ZNF618: variants seen among roughly 807,000 people sequenced by gnomAD.
The protein encoded by ZNF618 is zinc finger protein 618.
ZNF618 carries 34 observed loss-of-function variants against 103.0 expected under a neutral mutation model. That is an observed-to-expected ratio of 0.33 (90% CI 0.25 to 0.44). The LOEUF (loss-of-function observed/expected upper bound fraction) is 0.44. Ranked by LOEUF, ZNF618 falls within the 20% of genes least tolerant of loss-of-function variation. The probability of loss-of-function intolerance (pLI) is 1.00; values close to 1 mark genes in which losing one functional copy is unlikely to be tolerated. For missense variants in ZNF618, 1,059 were observed against 1,295.4 expected (o/e 0.82, Z 2.80); for synonymous variants, 551 against 542.2 (o/e 1.02, Z -0.23).
chr9:114,007,770 A>G (rs1233233879), intron 7 of ZNF618, among the ~76,000 whole-genome samples: 4 of 152,258 alleles, frequency 2.6e-5, no homozygotes, highest in Non-Finnish European at 5.9e-5. Context: ...CCGGTTTTAA[A>G]AAACGAATGA....
intron 2 of ZNF618, among the ~76,000 whole-genome samples, chr9:113,977,037 C>T (rs922162867): frequency 2.0e-5 from 3 of 152,136 alleles, no homozygotes; most frequent in East Asian, 1.9e-4. Flanking sequence ...GGGCAGCGTG[C>T]GTCCAGGCAG....
intron 2 of ZNF618, among the ~76,000 whole-genome samples, chr9:113,985,591 G>A (rs1384153938): frequency 6.6e-6 from 1 of 152,204 alleles, no homozygotes; most frequent in African/African-American, 2.4e-5. Context: ...GGAAAGCCAG[G>A]GAACCTACTG....
Position 114,032,690 on chromosome 9 carries a change from A to G in ZNF618, c.1130A>G (p.His377Arg). ...SRRVEGKAQN[H>R]FEETNSSSQN... The stretch of plus-strand genomic sequence containing the variant: ...AGAGTAGAAGGCAAAGCACAAAACC[A>G]CTTTGAAGAGACGAACAGCAGTTCG... Residue 377 changes from histidine to arginine, a missense_variant, in exon 12 of 15, where the codon CAC becomes CGC. Physicochemically the swap from His to Arg is conservative, Grantham distance 29. Transcript: ENST00000374126. The G allele has an allele frequency of 6.2e-7, 1 of 1,613,970 alleles. No individual in the cohort carries two copies. Among genetic ancestry groups the G allele is most frequent in the Non-Finnish European group, 8.5e-7 (1 of 1,179,880 alleles).
At chr9:114,020,079 A>G (rs2134007514) in intron 10 of ZNF618, among the ~76,000 whole-genome samples, 1 of 152,298 alleles carries the variant, frequency 6.6e-6, no homozygotes, top group Non-Finnish European at 1.5e-5. Context: ...GGTTGTTACA[A>G]CATCATGTGT....
rs143620686 is a variant in ZNF618, at chr9:113,985,965, G to A, written c.78-2356G>A. ...AAATTAAGGAAATGAATTCTGAGGC[G>A]ATTGAATCATGCAGTTTTACACTTT... On this transcript the variant is annotated intron_variant, in intron 2 of 14. Coordinates refer to ENST00000374126, the MANE Select transcript of ZNF618 (RefSeq NM_001318042.2). Among the ~76,000 whole-genome samples, 793 of 152,310 alleles carry A rather than the reference G, an allele frequency of 5.2e-3. 6 individuals carry two copies. Among genetic ancestry groups the A allele is most frequent in the African/African-American group, 0.018 (760 of 41,554 alleles).
chr9:113,915,666 G>A (rs1832000112), intron 1 of ZNF618, among the ~76,000 whole-genome samples: 1 of 152,184 alleles, frequency 6.6e-6, no homozygotes, highest in African/African-American at 2.4e-5. Context: ...ACTTGAGCAG[G>A]GAGTATTTGG....
At chr9:113,937,533 G>A (rs1278854634) in intron 1 of ZNF618, among the ~76,000 whole-genome samples, 2 of 152,044 alleles carry the variant, frequency 1.3e-5, no homozygotes, top group South Asian at 2.1e-4. Context: ...TGTCTCTTTC[G>A]TCTCTTCCAA....
intron 2 of ZNF618, among the ~76,000 whole-genome samples, chr9:113,970,726 C>T (rs988843115): frequency 1.3e-5 from 2 of 151,782 alleles, no homozygotes; most frequent in South Asian, 2.1e-4. Context: ...CCTGACCCTC[C>T]GTATCAAGGT....
intron 9 of ZNF618, 113 bp from the exon 10 acceptor site, chr9:114,016,582 T>G (rs1268446751): frequency 4.0e-6 from 3 of 745,484 alleles, no homozygotes; most frequent in Non-Finnish European, 6.9e-6. Flanking sequence ...CAGAATTGAT[T>G]CTAGTTGATG....
chr9:113,955,937 T>C (rs1004924084), intron 1 of ZNF618, among the ~76,000 whole-genome samples: 1 of 152,080 alleles, frequency 6.6e-6, no homozygotes, highest in Admixed American at 6.6e-5. Context: ...TCAGTTTCTC[T>C]GTCTGTAAAA....
intron 3 of ZNF618, among the ~76,000 whole-genome samples, chr9:113,995,644 G>A (rs567535102): frequency 6.6e-6 from 1 of 152,108 alleles, no homozygotes; most frequent in African/African-American, 2.4e-5. Flanking sequence ...TCACACAGGG[G>A]TCTATCATCA....
chr9:114,007,419 G>A lies in ZNF618; in HGVS notation c.620G>A (p.Arg207Gln), dbSNP rs1177133953. The A allele has an allele frequency of 1.2e-6, 2 of 1,613,522 alleles. No individual in the cohort carries two copies. The highest frequency in any genetic ancestry group is 1.3e-5 in the African/African-American group (1 of 74,986). The part of the protein sequence containing the change: ...YKYYSCFQEH[R>Q]DLHAVDVFSV... ...TACTACAGCTGTTTCCAAGAGCACC[G>A]AGACCTGCACGCAGTGGATGGTGAG... Residue 207 changes from arginine (R) to glutamine (Q), a missense_variant, in exon 7 of 15, where the codon CGA becomes CAA. Arg to Gln is a conservative substitution (Grantham distance 43). Around this residue, in one of 6 missense-constraint regions of ZNF618, gnomAD observed 434 missense variants for 476.0 expected, o/e 0.91. Coordinates refer to ENST00000374126, the MANE Select transcript of ZNF618 (RefSeq NM_001318042.2).
At chr9:113,898,540 C>T (rs918857845) in intron 1 of ZNF618, among the ~76,000 whole-genome samples, 2 of 151,420 alleles carry the variant, frequency 1.3e-5, no homozygotes, top group Admixed American at 6.6e-5. Flanking sequence ...AATCCTCCTG[C>T]CTCAGCCTCC....
chr9:113,946,707 G>C (rs1363158613), intron 1 of ZNF618, among the ~76,000 whole-genome samples: 1 of 152,210 alleles, frequency 6.6e-6, no homozygotes, highest in Admixed American at 6.5e-5. Flanking sequence ...GGCTGTGAAA[G>C]TACCCCTCGC....
chr9:113,916,018 G>A (rs1832037437), intron 1 of ZNF618, among the ~76,000 whole-genome samples: 1 of 152,102 alleles, frequency 6.6e-6, no homozygotes, highest in African/African-American at 2.4e-5. Flanking sequence ...TAAGGAGATA[G>A]TATTATCTCT....
intron 1 of ZNF618, among the ~76,000 whole-genome samples, chr9:113,880,193 G>A (rs1025975608): frequency 6.6e-6 from 1 of 151,960 alleles, no homozygotes; most frequent in Non-Finnish European, 1.5e-5. Flanking sequence ...ACTTCTCATG[G>A]TCATGAGGAA....
chr9:114,002,796 G>C, intron 6 of ZNF618, 134 bp downstream of exon 6: 2 of 966,262 alleles, frequency 2.1e-6, no homozygotes. Flanking sequence ...TCCAAGCTTG[G>C]GGGCCAGACC....
chr9:114,010,962 G>A (rs1235378671), intron 9 of ZNF618, among the ~76,000 whole-genome samples: 2 of 152,130 alleles, frequency 1.3e-5, no homozygotes, highest in African/African-American at 2.4e-5. Flanking sequence ...CATAAGTTGC[G>A]GACAAGCACA....
chr9:114,016,822 A>G (rs774324278), intron 10 of ZNF618, 38 bp downstream of exon 10: 1 of 1,557,178 alleles, frequency 6.4e-7, no homozygotes. Flanking sequence ...GGGTTGGGGG[A>G]CCCGGGACAG....
Sources: allele counts gnomAD v4.1 joint callset (sites outside exome capture counted in the v4.1 genomes callset), GRCh38; gene constraint gnomAD v4.1.1; regional missense constraint gnomAD v4.1.1; transcripts MANE v1.5; gene names NCBI Gene and HGNC (gene_info 2026-07-23, HGNC 2026-07-21).